THSD7A: variants seen among roughly 807,000 people sequenced by gnomAD.
THSD7A encodes the protein thrombospondin type-1 domain-containing protein 7A.
A neutral mutation model predicts 231.3 loss-of-function variants in THSD7A; 96 were observed. That is an observed-to-expected ratio of 0.41 (90% CI 0.35 to 0.49). The LOEUF is 0.49. THSD7A is among the 20% of genes least tolerant of loss of function. The pLI, the probability that THSD7A is intolerant of heterozygous loss-of-function variation, is 0.05. For missense variants in THSD7A, 2,290 were observed against 2,070.2 expected (o/e 1.11, Z -2.06); for synonymous variants, 940 against 743.3 (o/e 1.26, Z -4.30).
intron 4 of THSD7A, among the ~76,000 whole-genome samples, chr7:11,547,268 A>C (rs1274371197): frequency 6.6e-6 from 1 of 152,234 alleles, no homozygotes; most frequent in Non-Finnish European, 1.5e-5. Context: ...ACAACTAGCC[A>C]ATATAATGAC....
intron 17 of THSD7A, among the ~76,000 whole-genome samples, chr7:11,415,319 C>T (rs184896364): frequency 1.3e-4 from 20 of 152,288 alleles, no homozygotes; most frequent in Non-Finnish European, 1.8e-4. Context: ...TAAACGGCCT[C>T]GGGCATCATG....
chr7:11,615,698 C>A (rs17164890), intron 2 of THSD7A, among the ~76,000 whole-genome samples: 1 of 152,026 alleles, frequency 6.6e-6, no homozygotes, highest in African/African-American at 2.4e-5. Flanking sequence ...AGAGCACAAC[C>A]TTTTCTTTTA....
At chr7:11,688,520 T>C (rs1440109221) in intron 1 of THSD7A, among the ~76,000 whole-genome samples, 1 of 151,772 alleles carries the variant, frequency 6.6e-6, no homozygotes, top group Non-Finnish European at 1.5e-5. Context: ...GATGTTGTCT[T>C]AGAAAAGAAG....
chr7:11,591,819 T>C (rs981433774), intron 3 of THSD7A, among the ~76,000 whole-genome samples: 14 of 152,146 alleles, frequency 9.2e-5, no homozygotes, highest in African/African-American at 3.1e-4. Flanking sequence ...ATAGATCATT[T>C]GTTAAGGGAG....
intron 1 of THSD7A, among the ~76,000 whole-genome samples, chr7:11,670,530 G>C (rs577659355): frequency 4.3e-4 from 65 of 152,280 alleles, no homozygotes; most frequent in African/African-American, 1.5e-3. Context: ...ACAACCCAAT[G>C]TTGACAAGTA....
chr7:11,804,703 G>A (rs1784356589), intron 1 of THSD7A, among the ~76,000 whole-genome samples: 1 of 152,076 alleles, frequency 6.6e-6, no homozygotes, highest in African/African-American at 2.4e-5. Context: ...TTCCTCAAAG[G>A]AAATGTAAAC....
intron 1 of THSD7A, among the ~76,000 whole-genome samples, chr7:11,770,739 A>C (rs1490591863): frequency 2.0e-5 from 3 of 152,188 alleles, no homozygotes; most frequent in Non-Finnish European, 4.4e-5. Flanking sequence ...AAAAAAATTA[A>C]TGCTAAAGTA....
Position 11,406,622 on chromosome 7 carries a change from T to G in THSD7A, c.4063-148A>C. Reference sequence around the variant, plus strand: ...CTAGGGAAGAAGCCCTATAGGGCACTAGCAATAAAGCATACATTGAACAAT... The same window carrying G: ...CTAGGGAAGAAGCCCTATAGGGCACGAGCAATAAAGCATACATTGAACAAT... On this transcript the variant is annotated intron_variant, in intron 21 of 27. Transcript: ENST00000423059. The surrounding 1 kb of genome is among the most constrained non-coding windows in gnomAD (Gnocchi z 4.7). The G allele has an allele frequency of 2.2e-6, 2 of 902,044 alleles. No homozygotes were observed. Among genetic ancestry groups the G allele is most frequent in the Admixed American group, 6.1e-5 (2 of 32,562 alleles). 55.9% of individuals were successfully genotyped at this position (902,044 alleles called of 1,614,324 possible). A position where few individuals can be genotyped will look rare whatever the true frequency, so the allele number is the denominator to read the frequency against.
chr7:11,732,927 T>C (rs931737322), intron 1 of THSD7A, among the ~76,000 whole-genome samples: 5 of 151,868 alleles, frequency 3.3e-5, no homozygotes, highest in South Asian at 2.1e-4. Flanking sequence ...CTTATTAGCA[T>C]TGAACTGCCA....
At position 11,474,590 on chromosome 7, in the gene THSD7A, G is replaced by C. The variant is rs377506314; in HGVS notation, c.2018-22C>G. ...CCACCTAAAAACATGGACAATGATAGCAAATTAGATACGGTGCCAACAGGA... is the reference window on the plus strand; with the variant it reads ...CCACCTAAAAACATGGACAATGATACCAAATTAGATACGGTGCCAACAGGA... On this transcript the variant is annotated intron_variant, in intron 7 of 27. Transcript: ENST00000423059. The surrounding 1 kb of genome is among the most constrained non-coding windows in gnomAD (Gnocchi z 4.1). 6.4e-7 allele frequency: 1 copy of C among 1,567,278 alleles called. No individual in the cohort carries two copies. Among genetic ancestry groups the C allele is most frequent in the Non-Finnish European group, 8.7e-7 (1 of 1,145,080 alleles).
chr7:11,541,458 C>T lies in THSD7A; in HGVS notation c.1783G>A (p.Gly595Ser). Residue 595 changes from glycine (G) to serine (S), a missense_variant, in exon 6 of 28, where the codon GGC (glycine) becomes AGC (serine). By Grantham distance (56) the Gly-to-Ser change is moderately conservative (BLOSUM62 0). Transcript: ENST00000423059. The stretch of plus-strand genomic sequence containing the variant: ...CACACAACCTCTTGAACTTGCGTGC[C>T]TGGACCACACTCCTTTCCGTTATCT... ...EPDNGKECGP[G>S]TQVQEVVCIN... The T allele has an allele frequency of 6.2e-7, 1 of 1,613,960 alleles. No individual in the cohort carries two copies. The highest frequency in any genetic ancestry group is 8.5e-7 in the Non-Finnish European group (1 of 1,179,894).
rs1181598377 is a variant in THSD7A at position 11,523,810 on chromosome 7, C to T, written c.1822+17609G>A. Among the ~76,000 whole-genome samples, 4 of 151,710 alleles carry T rather than the reference C, an allele frequency of 2.6e-5. No individual in the cohort carries two copies. The South Asian group carries it at 6.2e-4, about 24-fold the overall frequency. ...ATACAAAGACATTTTTATTGTTCTC[C>T]GCTTGTCATTCTTTCAGGTCTTATT... On this transcript the variant is annotated intron_variant, in intron 6 of 27. Coordinates refer to ENST00000423059, the MANE Select transcript of THSD7A (RefSeq NM_015204.3).
chr7:11,468,386 C>CT (rs1785795160), intron 9 of THSD7A, among the ~76,000 whole-genome samples: 1 of 147,658 alleles, frequency 6.8e-6, no homozygotes, highest in African/African-American at 2.5e-5. Context: ...TGTTATTCAG[C>CT]TTAAAAAAAA....
intron 1 of THSD7A, among the ~76,000 whole-genome samples, chr7:11,750,107 G>A (rs1266414393): frequency 6.6e-6 from 1 of 151,424 alleles, no homozygotes; most frequent in African/African-American, 2.4e-5. Context: ...AAATTTACAG[G>A]GAGCCACAAT....
Position 11,659,930 on chromosome 7 carries a change from A to T in THSD7A, c.191-22969T>A, listed in dbSNP as rs549015290. On this transcript the variant is annotated intron_variant, in intron 1 of 27. Coordinates refer to ENST00000423059, the MANE Select transcript of THSD7A (RefSeq NM_015204.3). Reference sequence around the variant, plus strand: ...CATTGGCAATGCTCAGGAATGTATTAAAAATGCAGAATCTCAGGCCTGACC... The same window carrying T: ...CATTGGCAATGCTCAGGAATGTATTTAAAATGCAGAATCTCAGGCCTGACC... Among the ~76,000 whole-genome samples the T allele has an allele frequency of 2.0e-5, 3 of 151,670 alleles. No individual in the cohort carries two copies. In the East Asian group the frequency reaches 5.8e-4, roughly 30 times the overall value.
chr7:11,399,142 T>C (rs536631530), intron 23 of THSD7A, among the ~76,000 whole-genome samples: 2 of 152,346 alleles, frequency 1.3e-5, no homozygotes, highest in African/African-American at 4.8e-5. Flanking sequence ...TCTTTAAATT[T>C]TGGGAAAACT....
chr7:11,678,507 A>G (rs1783733655), intron 1 of THSD7A, among the ~76,000 whole-genome samples: 2 of 152,194 alleles, frequency 1.3e-5, no homozygotes. Context: ...AAAAATGATA[A>G]AGGGGATATC....
intron 16 of THSD7A, among the ~76,000 whole-genome samples, chr7:11,422,598 CAAA>C (rs5882308): frequency 6.1e-5 from 6 of 97,868 alleles, no homozygotes; most frequent in Admixed American, 2.1e-4. Context: ...ATTTACAAAG[CAAA>C]AAAAAAAAAA....
At chr7:11,789,261 A>C (rs1429627487) in intron 1 of THSD7A, among the ~76,000 whole-genome samples, 2 of 152,096 alleles carry the variant, frequency 1.3e-5, no homozygotes, top group African/African-American at 2.4e-5. Flanking sequence ...AAAGATGGGC[A>C]ATCAACCTGT....
Sources: allele counts gnomAD v4.1 joint callset (sites outside exome capture counted in the v4.1 genomes callset), GRCh38; gene constraint gnomAD v4.1.1; non-coding constraint Gnocchi (gnomAD v3.1); transcripts MANE v1.5; gene names NCBI Gene and HGNC (gene_info 2026-07-23, HGNC 2026-07-21).